The following TRRAP variants were observed in gnomAD, a reference collection of about 807,000 sequenced individuals.
TRRAP encodes the protein transformation/transcription domain associated protein, also known as transformation/transcription domain-associated protein.
In TRRAP, 41 loss-of-function variants were observed where a neutral mutation model predicts 438.8. The ratio of observed to expected loss-of-function variants is 0.09; its 90% CI spans 0.07 to 0.12. The LOEUF is 0.12. Ranked by LOEUF, TRRAP falls within the 10% of genes least tolerant of loss-of-function variation. TRRAP has a pLI of 1.00. For missense variants in TRRAP, 3,122 were observed against 5,055.1 expected, an observed-to-expected ratio of 0.62 and a Z score of 11.60; for synonymous variants, 1,994 against 1,962.9, an observed-to-expected ratio of 1.02 and a Z score of -0.42.
Position 98,998,909 on chromosome 7 carries a change from C to T in TRRAP, c.10309+4061C>T. The T allele has an allele frequency of 8.5e-6, 4 of 472,552 alleles. No individual in the cohort carries two copies. In the South Asian group the frequency reaches 1.5e-4, roughly 17 times the overall value. 29.3% of individuals were successfully genotyped at this position (472,552 alleles called of 1,614,324 possible). The stretch of plus-strand genomic sequence containing the variant: ...GCCATCACCTTACATGGAGAGGCCC[C>T]ATGGTAGGTCAGTCTGCACAAGGTA... On this transcript the variant is annotated intron_variant, in intron 67 of 72. Transcript: ENST00000456197.
In TRRAP at chr7:98,949,523, G is replaced by C; in HGVS notation, c.4895G>C (p.Arg1632Pro). Residue 1632 changes from arginine to proline, a missense_variant, in exon 36 of 73, where the codon CGC becomes CCC. By Grantham distance (103) the Arg-to-Pro change is moderately radical. Around this residue, in one of 24 missense-constraint regions of TRRAP, gnomAD observed 272 missense variants for 348.5 expected, o/e 0.78. Coordinates refer to ENST00000456197, the MANE Select transcript of TRRAP (RefSeq NM_001375524.1). ...CCGGGGGGTGCCCAGACGGCTGTGCGCCCCGGTTCGCCCAGCACCAGCACC... is the reference window on the plus strand; with the variant it reads ...CCGGGGGGTGCCCAGACGGCTGTGCCCCCCGGTTCGCCCAGCACCAGCACC... ...LLPGGAQTAV[R>P]PGSPSTSTMR... 6.2e-7 allele frequency: 1 copy of C among 1,605,226 alleles called. No individual in the cohort carries two copies. The highest frequency in any genetic ancestry group is 8.5e-7 in the Non-Finnish European group (1 of 1,176,420).
chr7:98,999,531 C>T, intron 67 of TRRAP: 3 of 726,164 alleles, frequency 4.1e-6, no homozygotes, highest in Admixed American at 2.1e-5. Flanking sequence ...GCACCAGGGT[C>T]TCTTGCTTAA....
chr7:98,969,326 G>A (rs1031058843), intron 51 of TRRAP, among the ~76,000 whole-genome samples: 1 of 152,166 alleles, frequency 6.6e-6, no homozygotes, highest in Non-Finnish European at 1.5e-5. Flanking sequence ...TCAGTCTCCA[G>A]TGTGCTGGCC....
At chr7:98,935,456 G>A (rs1193573705) in intron 27 of TRRAP, 123 bp from the exon 28 acceptor site, 1 of 763,738 alleles carries the variant, frequency 1.3e-6, no homozygotes, top group Admixed American at 3.0e-5. Context: ...TAGGATTTGA[G>A]CTTAGTTTGT....
intron 70 of TRRAP, among the ~76,000 whole-genome samples, chr7:99,010,767 T>C (rs1794392153): frequency 6.6e-6 from 1 of 152,224 alleles, no homozygotes; most frequent in African/African-American, 2.4e-5. Context: ...TGTTCAGATA[T>C]TTACCTGCAT....
chr7:98,953,111 C>CA, intron 39 of TRRAP, 56 bp from the exon 40 acceptor site: 1 of 1,577,010 alleles, frequency 6.3e-7, no homozygotes. Flanking sequence ...GTATGACCCT[C>CA]AGTCAGTAAC....
chr7:98,906,157 A>G lies in TRRAP; in HGVS notation c.1037-20A>G, dbSNP rs139406589. ...AATTGGTTTTGTTAGTGATCTGTGC[A>G]ATGGATGTTTGTCTTCTAGAGTTCA... On this transcript the variant is annotated intron_variant, in intron 12 of 72. Coordinates refer to ENST00000456197, the MANE Select transcript of TRRAP (RefSeq NM_001375524.1). The G allele has an allele frequency of 3.0e-5, 49 of 1,610,994 alleles. No individual in the cohort carries two copies. The African/African-American group carries it at 5.1e-4, about 17-fold the overall frequency.
Position 98,981,907 on chromosome 7 carries a change from G to A in TRRAP, c.8773G>A (p.Glu2925Lys). The A allele has an allele frequency of 6.2e-7, 1 of 1,609,254 alleles. No homozygotes were observed. The highest frequency in any genetic ancestry group is 1.3e-5 in the African/African-American group (1 of 74,966). Residue 2925 changes from glutamate (E) to lysine (K), a missense_variant, in exon 59 of 73, where the codon GAG becomes AAG. Glu to Lys is a moderately conservative substitution (Grantham distance 56, BLOSUM62 1). Around this residue, in one of 24 missense-constraint regions of TRRAP, gnomAD observed 992 missense variants for 1,281.2 expected, o/e 0.77. Transcript: ENST00000456197. ...GATGGCCAGCAGCCTGGCCATCCGC[G>A]AGTGGCGGCGGCTGCCCCACGTAGT... ...VEMASSLAIREWRRLPHVVSH... is the reference protein window; with the variant it reads ...VEMASSLAIRKWRRLPHVVSH...
intron 31 of TRRAP, among the ~76,000 whole-genome samples, chr7:98,944,556 A>G (rs141715897): frequency 4.6e-5 from 7 of 152,084 alleles, no homozygotes; most frequent in East Asian, 1.9e-4. Context: ...CTCAGAGGCT[A>G]TGGTGTTTGG....
intron 22 of TRRAP, 115 bp from the exon 23 acceptor site, chr7:98,927,052 A>G: frequency 1.8e-6 from 2 of 1,139,036 alleles, no homozygotes; most frequent in South Asian, 3.0e-5. Context: ...TAAATTACCC[A>G]GGCCTGTCTG....
chr7:98,994,716 G>A lies in TRRAP; in HGVS notation c.10177G>A (p.Gly3393Arg). 1 of 1,614,232 alleles carries A rather than the reference G, an allele frequency of 6.2e-7. No individual in the cohort carries two copies. Among genetic ancestry groups the A allele is most frequent in the Non-Finnish European group, 8.5e-7 (1 of 1,180,042 alleles). The stretch of plus-strand genomic sequence containing the variant: ...TGTGAAGAAGTTGGTGAGCACGTTT[G>A]GGGTGGGCCTGGAGAATGTGTCCAA... ...NFVKKLVSTF[G>R]VGLENVSNVS... is the part of the protein sequence containing the mutation. Residue 3393 changes from glycine (G) to arginine (R), a missense_variant, in exon 67 of 73, where the codon GGG (glycine) becomes AGG (arginine). Physicochemically the swap from Gly to Arg is moderately radical, Grantham distance 125. Coordinates refer to ENST00000456197, the MANE Select transcript of TRRAP (RefSeq NM_001375524.1). This position sits in a 1 kb window ranked among gnomAD's most constrained non-coding sequence, Gnocchi z 4.8.
Position 98,947,940 on chromosome 7 carries a change from G to A in TRRAP, c.4549-281G>A, listed in dbSNP as rs548695725. On this transcript the variant is annotated intron_variant, in intron 33 of 72. Transcript: ENST00000456197. ...GGTCACCTTTACCACTTGTGAGCAC[G>A]CATGACAGCAAACAGCACGATCACA... Among the ~76,000 whole-genome samples, 6 of 152,308 alleles carry A rather than the reference G, an allele frequency of 3.9e-5. No homozygotes were observed. The South Asian group carries it at 6.2e-4, about 16-fold the overall frequency.
chr7:99,009,584 G>C (rs1794340518), intron 70 of TRRAP, among the ~76,000 whole-genome samples: 2 of 152,222 alleles, frequency 1.3e-5, no homozygotes, highest in Non-Finnish European at 2.9e-5. Flanking sequence ...ACAGGCCATG[G>C]CCTGGTCATT....
intron 67 of TRRAP, among the ~76,000 whole-genome samples, chr7:98,997,337 T>C (rs1235128609): frequency 6.6e-6 from 1 of 151,654 alleles, no homozygotes; most frequent in African/African-American, 2.4e-5. Flanking sequence ...GCAGTTCAGT[T>C]TTTCTGTCCC....
At position 98,899,396 on chromosome 7, in the gene TRRAP, G is replaced by A. The variant is rs782392169; in HGVS notation, c.634-26G>A. 1.2e-5 allele frequency: 19 copies of A among 1,611,348 alleles called. 1 individual carries two copies. The highest frequency in any genetic ancestry group is 5.5e-5 in the South Asian group (5 of 91,016). Reference sequence around the variant, plus strand: ...ATTTTAAATGCCACAATGGTAACCCGGGTCCTACCCATTTCTGTCTTCCAG... The same window carrying A: ...ATTTTAAATGCCACAATGGTAACCCAGGTCCTACCCATTTCTGTCTTCCAG... On this transcript the variant is annotated intron_variant, in intron 8 of 72. Coordinates refer to ENST00000456197, the MANE Select transcript of TRRAP (RefSeq NM_001375524.1).
At chr7:98,946,621 A>G (rs1236215351) in intron 33 of TRRAP, among the ~76,000 whole-genome samples, 8 of 149,884 alleles carry the variant, frequency 5.3e-5, no homozygotes, top group Non-Finnish European at 8.9e-5. Context: ...CACACCACAC[A>G]TGCACACACA....
chr7:98,962,262 G>T (rs1791932203), intron 46 of TRRAP, 40 bp from the exon 47 acceptor site: 1 of 1,613,324 alleles, frequency 6.2e-7, no homozygotes, highest in South Asian at 1.1e-5. Context: ...GTGGGCCCAA[G>T]AGCCATAACC....
Position 98,931,393 on chromosome 7 carries a change from C to T in TRRAP, c.3592-12C>T, listed in dbSNP as rs782348923. ...CGCCCTGCTTTCATTCTAAGACATC[C>T]CTGACTTGCAGGTTTCCAATGGGGC... On this transcript the variant is annotated splice_polypyrimidine_tract_variant and intron_variant, in intron 25 of 72. Transcript: ENST00000456197. The T allele has an allele frequency of 1.9e-6, 3 of 1,611,624 alleles. No homozygotes were observed. The highest frequency in any genetic ancestry group is 2.2e-5 in the South Asian group (2 of 91,050).
chr7:99,009,880 CTTTTTTTTTT>C (rs138174570), intron 70 of TRRAP, among the ~76,000 whole-genome samples: 4 of 96,694 alleles, frequency 4.1e-5, no homozygotes, highest in East Asian at 3.1e-4. Context: ...TCATTCTTCT[CTTTTTTTTTT>C]TTTTTTTTTT....
Sources: gnomAD v4.1 joint callset for allele counts (sites outside exome capture counted in the v4.1 genomes callset) on GRCh38, gnomAD v4.1.1 for gene constraint, gnomAD v4.1.1 regional missense constraint, Gnocchi (gnomAD v3.1) non-coding constraint, MANE v1.5 for transcripts, NCBI Gene and HGNC (gene_info 2026-07-23, HGNC 2026-07-21) for gene names.